DLG3: variants seen among roughly 807,000 people sequenced by gnomAD.
The protein encoded by DLG3 is discs large MAGUK scaffold protein 3.
DLG3 carries 1 observed loss-of-function variant against 64.1 expected under a neutral mutation model. That is an observed-to-expected ratio of 0.02 (90% CI 0.01 to 0.07). The LOEUF (loss-of-function observed/expected upper bound fraction) is 0.07. Among genes scored for constraint, DLG3 ranks in the 10% least tolerant of loss-of-function variants. DLG3 has a pLI of 1.00. For missense variants in DLG3, 429 were observed against 669.5 expected (o/e 0.64, Z 3.96); for synonymous variants, 245 against 259.8 (o/e 0.94, Z 0.55).
intron 9 of DLG3, among the ~76,000 whole-genome samples, chrX:70,456,864 A>G (rs950777275): frequency 9.0e-6 from 1 of 111,644 alleles, no homozygotes; most frequent in African/African-American, 3.3e-5. Context: ...GTTTTTAAAA[A>G]TAAGGACTCC....
chrX:70,449,511 G>A, intron 3 of DLG3, 28 bp downstream of exon 3: 1 of 1,209,848 alleles, frequency 8.3e-7, no homozygotes, highest in Non-Finnish European at 1.1e-6. Flanking sequence ...CAGGGTTGTG[G>A]GTGGCAGGGA....
chrX:70,479,121 T>C, intron 9 of DLG3, 29 bp from the exon 10 acceptor site: 1 of 1,163,141 alleles, frequency 8.6e-7, no homozygotes. Flanking sequence ...TTCATTCTTT[T>C]CCCATCTTTT....
chrX:70,487,954 C>A (rs779918491), intron 10 of DLG3, among the ~76,000 whole-genome samples: 2 of 109,679 alleles, frequency 1.8e-5, no homozygotes, highest in Non-Finnish European at 3.8e-5. Flanking sequence ...CCCAACCAGA[C>A]TAAGTATTTA....
At position 70,453,790 on chromosome X, in the gene DLG3, A is replaced by G; in HGVS notation, c.1299A>G (p.Leu433=). 8.4e-7 allele frequency: 1 copy of G among 1,190,217 alleles called. No individual in the cohort carries two copies. Among genetic ancestry groups the G allele is most frequent in the South Asian group, 1.9e-5 (1 of 52,777 alleles). ...AGCTGCGCAGGGGAGACCGGATCTT[A>G]TCGGTGAGGAGACAAAGGAGAGGTG... The part of the protein sequence containing the change: ...SGELRRGDRI[L]SVNGVNLRNA... The change falls in exon 8 of 19, where the codon TTA becomes TTG. Residue 433 remains leucine (L), a synonymous_variant. Transcript: ENST00000374360.
chrX:70,454,984 C>T (rs1270156795), intron 9 of DLG3: 2 of 740,586 alleles, frequency 2.7e-6, no homozygotes, highest in Non-Finnish European at 3.2e-6. Context: ...CGCGGGAAGG[C>T]GCGCCCTAGC....
chrX:70,501,079 A>G, intron 18 of DLG3, 90 bp downstream of exon 18: 1 of 729,660 alleles, frequency 1.4e-6, no homozygotes, highest in Non-Finnish European at 2.1e-6. Context: ...GACAGAATGT[A>G]GAAACCTTGC....
chrX:70,500,194 C>T (rs1569297211), intron 16 of DLG3, 145 bp downstream of exon 16: 18 of 540,905 alleles, frequency 3.3e-5, no homozygotes, highest in South Asian at 6.1e-5. Context: ...AGCGCCTTGA[C>T]GAAGCTATCT....
intron 12 of DLG3, among the ~76,000 whole-genome samples, chrX:70,494,204 A>C (rs1270390370): frequency 8.9e-6 from 1 of 112,794 alleles, no homozygotes; most frequent in Non-Finnish European, 1.9e-5. Flanking sequence ...CGGAAGAAGA[A>C]ATTTAATCCT....
intron 9 of DLG3, among the ~76,000 whole-genome samples, chrX:70,473,925 A>G (rs771897113): frequency 1.8e-5 from 2 of 112,319 alleles, no homozygotes; most frequent in Non-Finnish European, 3.8e-5. Flanking sequence ...AAATGAATGA[A>G]TAAAACTTCT....
chrX:70,448,430 C>A (rs371055372), intron 1 of DLG3: 3 of 470,846 alleles, frequency 6.4e-6, no homozygotes, highest in Admixed American at 7.8e-5. Flanking sequence ...CCTTCCAGTT[C>A]GGACACAGTG....
At chrX:70,460,038 A>G (rs755772652) in intron 9 of DLG3, among the ~76,000 whole-genome samples, 52 of 110,969 alleles carry the variant, frequency 4.7e-4, no homozygotes, top group African/African-American at 1.6e-3. Flanking sequence ...TAATCCCAAC[A>G]CTTTTGGAGG....
rs143215760 is a variant in DLG3 at position 70,500,940 on chromosome X, C to G, written c.2298C>G (p.Ile766Met). 1.7e-6 allele frequency: 2 copies of G among 1,203,856 alleles called. No individual in the cohort carries two copies. The highest frequency in any genetic ancestry group is 2.2e-6 in the Non-Finnish European group (2 of 891,263). ...AGACATATGAACAAGCAAATAAGAT[C>G]TATGACAAAGCCATGAAACTGGAGC... ...RRQTYEQANK[I>M]YDKAMKLEQE... The change falls in exon 18 of 19, where the codon ATC becomes ATG. Residue 766 changes from isoleucine to methionine, a missense_variant. Physicochemically the swap from Ile to Met is conservative, Grantham distance 10. Around this residue, in one of 9 missense-constraint regions of DLG3, gnomAD observed 48 missense variants for 69.5 expected, o/e 0.69. Coordinates refer to ENST00000374360, the MANE Select transcript of DLG3 (RefSeq NM_021120.4).
intron 15 of DLG3, 151 bp downstream of exon 15, chrX:70,499,428 T>C (rs1407717159): frequency 2.0e-6 from 1 of 511,713 alleles, no homozygotes; most frequent in Non-Finnish European, 3.4e-6. Flanking sequence ...TGGCAATATA[T>C]TCCCCAAAAG....
chrX:70,483,576 C>G (rs780285153), intron 10 of DLG3, among the ~76,000 whole-genome samples: 51 of 112,360 alleles, frequency 4.5e-4, no homozygotes, highest in Non-Finnish European at 7.3e-4. Context: ...GTATCTATCT[C>G]CCTTTGGTGT....
In DLG3 at chrX:70,445,207, C is replaced by A; in HGVS notation, c.6C>A (p.His2Gln). 8.6e-7 allele frequency: 1 copy of A among 1,156,899 alleles called. No homozygotes were observed. Among genetic ancestry groups the A allele is most frequent in the South Asian group, 1.9e-5 (1 of 52,734 alleles). Residue 2 changes from histidine to glutamine, a missense_variant, in exon 1 of 19, where the codon CAC becomes CAA. Coordinates refer to ENST00000374360, the MANE Select transcript of DLG3 (RefSeq NM_021120.4). MHKHQHCCKCPE... is the reference protein window; with the variant it reads MQKHQHCCKCPE... ...GAGCCGCGGGGGGCAGTGCCATGCA[C>A]AAGCACCAGCACTGCTGTAAGTGCC...
chrX:70,449,702 T>C lies in DLG3; in HGVS notation c.546T>C (p.Cys182=), dbSNP rs1257749935. The C allele has an allele frequency of 1.7e-5, 20 of 1,208,858 alleles. No individual in the cohort carries two copies. In the East Asian group the frequency reaches 5.9e-4, roughly 36 times the overall value. Residue 182 remains cysteine (C), a synonymous_variant, in exon 4 of 19, where the codon TGT becomes TGC. Coordinates refer to ENST00000374360, the MANE Select transcript of DLG3 (RefSeq NM_021120.4). ...GCTTCCCCCACAGGGTGAATGACTG[T>C]GTGCTGCGGGTGAATGAGGTGGACG... ...AMDGRLGVND[C]VLRVNEVDVS...
Position 70,449,691 on chromosome X carries a change from G to T in DLG3, c.535G>T (p.Val179Leu), listed in dbSNP as rs765570953. 8.3e-7 allele frequency: 1 copy of T among 1,210,558 alleles called. No homozygotes were observed. Among genetic ancestry groups the T allele is most frequent in the Non-Finnish European group, 1.1e-6 (1 of 895,319 alleles). The change falls in exon 4 of 19, where the codon GTG (valine) becomes TTG (leucine). Residue 179 changes from valine to leucine, a missense_variant and splice_region_variant. Val to Leu is a conservative substitution (Grantham distance 32, BLOSUM62 1). Around this residue, in one of 9 missense-constraint regions of DLG3, gnomAD observed 73 missense variants for 158.5 expected, o/e 0.46. Coordinates refer to ENST00000374360, the MANE Select transcript of DLG3 (RefSeq NM_021120.4). ...GAAAMDGRLG[V>L]NDCVLRVNEV... The stretch of plus-strand genomic sequence containing the variant: ...ATGCCTCTCGGGCTTCCCCCACAGG[G>T]TGAATGACTGTGTGCTGCGGGTGAA...
Position 70,449,863 on chromosome X carries a change from C to T in DLG3, c.703+4C>T. On this transcript the variant is annotated splice_donor_region_variant and intron_variant, in intron 4 of 18. Coordinates refer to ENST00000374360, the MANE Select transcript of DLG3 (RefSeq NM_021120.4). ...AACCTGCTCAAAGGGCCCAAAGGTG[C>T]GGCCCTCCAGGTTCCTGTGCTCCAG... is the stretch of plus-strand genomic sequence containing the variant. The T allele has an allele frequency of 1.7e-6, 2 of 1,176,063 alleles. No individual in the cohort carries two copies. Among genetic ancestry groups the T allele is most frequent in the Non-Finnish European group, 2.3e-6 (2 of 877,142 alleles).
chrX:70,490,865 C>T (rs1458065667), intron 10 of DLG3, among the ~76,000 whole-genome samples: 1 of 111,469 alleles, frequency 9.0e-6, no homozygotes, highest in African/African-American at 3.3e-5. Flanking sequence ...TTTGTGGTGA[C>T]TCCATATGAA....
Sources: gnomAD v4.1 joint callset for allele counts (sites outside exome capture counted in the v4.1 genomes callset) on GRCh38, gnomAD v4.1.1 for gene constraint, gnomAD v4.1.1 regional missense constraint, MANE v1.5 for transcripts, NCBI Gene and HGNC (gene_info 2026-07-23, HGNC 2026-07-21) for gene names.